Variants in TENM4 observed in about 807,000 individuals in gnomAD.
TENM4 encodes the protein teneurin transmembrane protein 4.
TENM4 carries 82 observed loss-of-function variants against 243.3 expected under a neutral mutation model. The observed-to-expected ratio is 0.34, with a 90% CI of 0.28 to 0.40. The LOEUF is 0.40. Ranked by LOEUF, TENM4 falls within the 10% of genes least tolerant of loss-of-function variation. The pLI, the probability that TENM4 is intolerant of heterozygous loss-of-function variation, is 1.00. For missense variants in TENM4, 3,138 were observed against 3,673.3 expected (o/e 0.85, Z 3.77); for synonymous variants, 1,412 against 1,456.3 (o/e 0.97, Z 0.69).
chr11:78,661,638 C>A (rs755153729), intron 32 of TENM4, 47 bp from the exon 33 acceptor site: 5 of 1,597,392 alleles, frequency 3.1e-6, no homozygotes, highest in Non-Finnish European at 4.3e-6. Flanking sequence ...GAGTGGACCT[C>A]ATTTGCAACC....
At chr11:78,757,058 T>A in intron 18 of TENM4, 37 bp from the exon 19 acceptor site, 1 of 1,577,626 alleles carries the variant, frequency 6.3e-7, no homozygotes, top group East Asian at 2.3e-5. Context: ...TATATTGCTA[T>A]GTTCAATCAG....
intron 28 of TENM4, among the ~76,000 whole-genome samples, chr11:78,693,834 T>A (rs1345401617): frequency 6.6e-6 from 1 of 152,140 alleles, no homozygotes; most frequent in East Asian, 1.9e-4. Context: ...GCCAACATGG[T>A]GAAACTGTGT....
intron 3 of TENM4, among the ~76,000 whole-genome samples, chr11:79,165,415 A>G (rs921688134): frequency 3.3e-5 from 5 of 152,116 alleles, no homozygotes; most frequent in African/African-American, 1.2e-4. Context: ...AGCTTTTCAT[A>G]TCTTTGTTGG....
At chr11:78,969,383 A>G (rs775069192) in intron 6 of TENM4, among the ~76,000 whole-genome samples, 11 of 152,330 alleles carry the variant, frequency 7.2e-5, no homozygotes, top group Non-Finnish European at 1.2e-4. Flanking sequence ...GGTGATGGTA[A>G]CTTTCTCTTG....
At chr11:79,258,618 C>A (rs1463564063) in intron 2 of TENM4, among the ~76,000 whole-genome samples, 1 of 152,186 alleles carries the variant, frequency 6.6e-6, no homozygotes, top group Admixed American at 6.5e-5. Context: ...CAGCCTCCTG[C>A]ACCAGGGAAT....
Position 79,042,320 on chromosome 11 carries a change from A to G in TENM4, c.493+22418T>C, listed in dbSNP as rs114419912. On this transcript the variant is annotated intron_variant, in intron 6 of 33. Transcript: ENST00000278550. ...GCTGCATCCACACAGTTACCCTGCTATGGTCTGAATTTCTGTGTCCCCCAC... is the reference window on the plus strand; with the variant it reads ...GCTGCATCCACACAGTTACCCTGCTGTGGTCTGAATTTCTGTGTCCCCCAC... 5.5e-3 allele frequency among the ~76,000 whole-genome samples: 836 copies of G among 152,290 alleles called. 8 individuals are homozygous for G. Among genetic ancestry groups the G allele is most frequent in the African/African-American group, 0.019 (791 of 41,562 alleles).
chr11:78,685,024 C>A (rs1858631612), intron 29 of TENM4, among the ~76,000 whole-genome samples: 2 of 152,028 alleles, frequency 1.3e-5, no homozygotes, highest in African/African-American at 4.8e-5. Context: ...CAAACAGGCC[C>A]CCCCCACTCC....
intron 31 of TENM4, 90 bp from the exon 32 acceptor site, chr11:78,670,641 A>C: frequency 8.0e-7 from 1 of 1,253,860 alleles, no homozygotes; most frequent in South Asian, 1.4e-5. Context: ...GACGGAATGA[A>C]TGTCCAAGGA....
intron 9 of TENM4, among the ~76,000 whole-genome samples, chr11:78,871,167 T>C (rs951915159): frequency 6.6e-6 from 1 of 152,234 alleles, no homozygotes. Context: ...GTTCCTTCTC[T>C]GGTTCTGATG....
chr11:79,057,838 C>A (rs954257439), intron 6 of TENM4, among the ~76,000 whole-genome samples: 4 of 152,158 alleles, frequency 2.6e-5, no homozygotes, highest in Non-Finnish European at 4.4e-5. Flanking sequence ...CCTCATATGA[C>A]AAACCTTCTC....
chr11:79,157,859 T>C (rs1443770969), intron 3 of TENM4, among the ~76,000 whole-genome samples: 2 of 152,206 alleles, frequency 1.3e-5, no homozygotes, highest in African/African-American at 4.8e-5. Flanking sequence ...CCATTGTATC[T>C]ACAGCAGCAG....
intron 6 of TENM4, among the ~76,000 whole-genome samples, chr11:78,978,521 G>A (rs981770809): frequency 1.3e-5 from 2 of 152,074 alleles, no homozygotes; most frequent in African/African-American, 2.4e-5. Flanking sequence ...TTCATAAGAG[G>A]AGAAGCAGGA....
intron 1 of TENM4, among the ~76,000 whole-genome samples, chr11:79,304,443 G>A (rs868482407): frequency 5.9e-5 from 9 of 152,166 alleles, no homozygotes; most frequent in African/African-American, 1.9e-4. Flanking sequence ...CTCCTCCAGG[G>A]ACCATGGTCT....
At position 78,810,420 on chromosome 11, in the gene TENM4, A is replaced by G. The variant is rs143770222; in HGVS notation, c.1978+1702T>C. On this transcript the variant is annotated intron_variant, in intron 14 of 33. Transcript: ENST00000278550. ...ACGACTGCCTTTTCCTGGCCCACACAACATGGGTGGGATTGGAGGCAGCTC... is the reference window on the plus strand; with the variant it reads ...ACGACTGCCTTTTCCTGGCCCACACGACATGGGTGGGATTGGAGGCAGCTC... Among the ~76,000 whole-genome samples the G allele has an allele frequency of 7.3e-4, 111 of 152,300 alleles. No homozygotes were observed. The South Asian group carries it at 8.1e-3, about 11-fold the overall frequency.
At chr11:78,782,772 T>TA (rs11433535) in intron 16 of TENM4, among the ~76,000 whole-genome samples, 45,728 of 146,576 alleles carry the variant, frequency 0.31, 8,205 homozygotes, top group Middle Eastern at 0.45. Flanking sequence ...TCTTTTTTTT[T>TA]AAAAAAAAAA....
intron 4 of TENM4, among the ~76,000 whole-genome samples, chr11:79,109,727 C>A (rs571286246): frequency 1.1e-4 from 17 of 152,328 alleles, no homozygotes; most frequent in Admixed American, 5.9e-4. Context: ...AAATCACAGA[C>A]ACTCAGATAT....
intron 2 of TENM4, among the ~76,000 whole-genome samples, chr11:79,294,328 G>A (rs1169092826): frequency 1.3e-5 from 2 of 152,124 alleles, no homozygotes; most frequent in African/African-American, 4.8e-5. Context: ...GAGGCTGAAA[G>A]AAACAAGGCT....
At chr11:79,255,949 T>C (rs1025748014) in intron 2 of TENM4, among the ~76,000 whole-genome samples, 5 of 152,212 alleles carry the variant, frequency 3.3e-5, no homozygotes, top group African/African-American at 9.6e-5. Context: ...TCTCTACCCT[T>C]CGCTGCCCTT....
chr11:78,967,942 T>G (rs539661415), intron 6 of TENM4, among the ~76,000 whole-genome samples: 25 of 152,326 alleles, frequency 1.6e-4, no homozygotes, highest in African/African-American at 5.3e-4. Flanking sequence ...TGGATACCTG[T>G]CCCCTCCAAA....
Sources: gnomAD v4.1 joint callset for allele counts (sites outside exome capture counted in the v4.1 genomes callset) on GRCh38, gnomAD v4.1.1 for gene constraint, MANE v1.5 for transcripts, NCBI Gene and HGNC (gene_info 2026-07-23, HGNC 2026-07-21) for gene names.